NIF3L1: variants seen among roughly 807,000 people sequenced by gnomAD.
The protein encoded by NIF3L1 is NIF3-like protein 1.
A neutral mutation model predicts 35.0 loss-of-function variants in NIF3L1; 26 were observed. That is an observed-to-expected ratio of 0.74 (90% confidence interval 0.54 to 1.03). The LOEUF (loss-of-function observed/expected upper bound fraction) is 1.03. Among genes scored for constraint, NIF3L1 ranks in the 50% least tolerant of loss-of-function variants. NIF3L1 has a pLI of 0.00. For missense variants in NIF3L1, 449 were observed against 466.3 expected (o/e 0.96, Z 0.34); for synonymous variants, 157 against 178.9 (o/e 0.88, Z 0.98).
chr2:200,896,754 T>C (rs2040322506), intron 4 of NIF3L1, among the ~76,000 whole-genome samples: 1 of 152,156 alleles, frequency 6.6e-6, no homozygotes, highest in South Asian at 2.1e-4. Flanking sequence ...GGCTAATTTT[T>C]GGATTTTTTT....
intron 6 of NIF3L1, among the ~76,000 whole-genome samples, chr2:200,901,235 G>T (rs899531648): frequency 6.6e-6 from 1 of 152,178 alleles, no homozygotes; most frequent in Admixed American, 6.5e-5. Context: ...TCCAGCCAAT[G>T]ATCTCACATT....
intron 4 of NIF3L1, among the ~76,000 whole-genome samples, chr2:200,896,566 C>T (rs2040318465): frequency 6.6e-6 from 1 of 152,150 alleles, no homozygotes; most frequent in Admixed American, 6.5e-5. Context: ...GTAGCACCTA[C>T]CTTGTATTTA....
At chr2:200,903,137 G>A (rs1184735613) in intron 6 of NIF3L1, among the ~76,000 whole-genome samples, 1 of 152,138 alleles carries the variant, frequency 6.6e-6, no homozygotes, top group African/African-American at 2.4e-5. Context: ...GAGTAGCTGG[G>A]ATTACAGGCA....
At chr2:200,891,184 T>C (rs1237749614) in intron 1 of NIF3L1, among the ~76,000 whole-genome samples, 1 of 152,152 alleles carries the variant, frequency 6.6e-6, no homozygotes, top group African/African-American at 2.4e-5. Flanking sequence ...CTTTATCTCT[T>C]GACTTTGTGA....
At position 200,895,257 on chromosome 2, in the gene NIF3L1, C is replaced by T; in HGVS notation, c.600-7C>T. The T allele has an allele frequency of 1.2e-6, 2 of 1,612,224 alleles. No individual in the cohort carries two copies. Among genetic ancestry groups the T allele is most frequent in the Non-Finnish European group, 1.7e-6 (2 of 1,178,964 alleles). ...TTGTCCTAAATGGAGTGATTTTTCC[C>T]CCCTAGGACTGGTAATGAGGAACAA... On this transcript the variant is annotated splice_region_variant and splice_polypyrimidine_tract_variant and intron_variant, in intron 3 of 6. Transcript: ENST00000409020.
chr2:200,903,566 A>G lies in NIF3L1; in HGVS notation c.1022A>G (p.Asn341Ser). ...GINVILCEHS[N>S]TERGFLSDLR... ...AATGTCATCCTCTGTGAACACAGCA[A>G]CACTGAACGAGGCTTTCTTTCTGAC... The change falls in exon 7 of 7, where the codon AAC (asparagine) becomes AGC (serine). Residue 341 changes from asparagine (N) to serine (S), a missense_variant. Asn to Ser is a conservative substitution (Grantham distance 46). Coordinates refer to ENST00000409020, the MANE Select transcript of NIF3L1 (RefSeq NM_001369441.2). The G allele has an allele frequency of 6.2e-7, 1 of 1,614,056 alleles. No homozygotes were observed. Among genetic ancestry groups the G allele is most frequent in the East Asian group, 2.2e-5 (1 of 44,874 alleles).
At chr2:200,895,880 C>T (rs1457444945) in intron 4 of NIF3L1, among the ~76,000 whole-genome samples, 1 of 152,094 alleles carries the variant, frequency 6.6e-6, no homozygotes, top group Non-Finnish European at 1.5e-5. Context: ...TGACAAGAAC[C>T]CATATTTTCA....
rs759637126 is a variant in NIF3L1 at position 200,897,184 on chromosome 2, C to T, written c.835C>T (p.Arg279Cys). The change falls in exon 5 of 7, where the codon CGC (arginine) becomes TGC (cysteine). Residue 279 changes from arginine to cysteine, a missense_variant. Arg to Cys is a radical substitution (Grantham distance 180, BLOSUM62 -3). Coordinates refer to ENST00000409020, the MANE Select transcript of NIF3L1 (RefSeq NM_001369441.2). Reference protein sequence around the residue: ...IKRHLKLSHIRLALGVGRTLE... With the variant: ...IKRHLKLSHICLALGVGRTLE... ...AAGACACCTAAAACTATCTCATATT[C>T]GCTTAGCCCTTGGGGTGGGGAGAAC... The T allele has an allele frequency of 2.4e-5, 38 of 1,613,848 alleles. No homozygotes were observed. In the South Asian group the frequency reaches 2.6e-4, roughly 11 times the overall value.
intron 6 of NIF3L1, among the ~76,000 whole-genome samples, chr2:200,901,197 C>G (rs1019777078): frequency 6.6e-6 from 1 of 150,820 alleles, no homozygotes; most frequent in African/African-American, 2.5e-5. Context: ...TTGATAAAAG[C>G]TTATAGCATT....
chr2:200,900,373 CT>C (rs1371039672), intron 6 of NIF3L1, among the ~76,000 whole-genome samples: 1 of 152,206 alleles, frequency 6.6e-6, no homozygotes, highest in East Asian at 1.9e-4. Context: ...GGGGTTGCCA[CT>C]TTGTTTACCT....
Position 200,893,233 on chromosome 2 carries a change from A to G in NIF3L1, c.437-13A>G, listed in dbSNP as rs77925669. 3.5e-4 allele frequency: 515 copies of G among 1,472,112 alleles called. 4 individuals carry two copies. The African/African-American group carries it at 6.6e-3, about 19-fold the overall frequency. The allele number at this position is 1,472,112 out of a possible 1,614,324, so 91.2% of individuals were successfully genotyped here. ...CCCCCAAAACTCCCATTTTCCCACA[A>G]TATTTTCTCTAGGAGCTTGTACCTC... On this transcript the variant is annotated splice_polypyrimidine_tract_variant and intron_variant, in intron 2 of 6. Transcript: ENST00000409020.
intron 6 of NIF3L1, among the ~76,000 whole-genome samples, 159 bp from the exon 7 acceptor site, chr2:200,903,335 G>A (rs1229998385): frequency 6.6e-6 from 1 of 152,168 alleles, no homozygotes; most frequent in African/African-American, 2.4e-5. Context: ...GGACATAAAA[G>A]AAAACTGTAC....
rs7584341 is a variant in NIF3L1 at position 200,901,383 on chromosome 2, T to G, written c.949+1915T>G. On this transcript the variant is annotated intron_variant, in intron 6 of 6. Coordinates refer to ENST00000409020, the MANE Select transcript of NIF3L1 (RefSeq NM_001369441.2). ...TTGGGGTATCTGTTTCCTTATACTTTTTTAAAAACTAGTTTTTTAAAACAA... is the reference window on the plus strand; with the variant it reads ...TTGGGGTATCTGTTTCCTTATACTTGTTTAAAAACTAGTTTTTTAAAACAA... Among the ~76,000 whole-genome samples the G allele has an allele frequency of 2.5e-3, 377 of 152,346 alleles. 3 individuals are homozygous for G. Among genetic ancestry groups the G allele is most frequent in the African/African-American group, 8.7e-3 (363 of 41,578 alleles).
intron 4 of NIF3L1, 34 bp downstream of exon 4, chr2:200,895,424 A>G: frequency 1.9e-6 from 3 of 1,605,782 alleles, no homozygotes; most frequent in Non-Finnish European, 2.6e-6. Context: ...ATCTTAAAAT[A>G]CTGTGCACAC....
In NIF3L1 at chr2:200,899,430, G is replaced by C; in HGVS notation, c.911G>C (p.Ser304Thr). 6.2e-7 allele frequency: 1 copy of C among 1,614,130 alleles called. No homozygotes were observed. The highest frequency in any genetic ancestry group is 8.5e-7 in the Non-Finnish European group (1 of 1,180,010). The change falls in exon 6 of 7, where the codon AGC becomes ACC. Residue 304 changes from serine to threonine, a missense_variant. Physicochemically the swap from Ser to Thr is moderately conservative, Grantham distance 58 (BLOSUM62 1). Transcript: ENST00000409020. ...VVALCAGSGS[S>T]VLQGVEADLY... is the part of the protein sequence containing the mutation. ...GCCCTGTGTGCTGGTTCTGGGAGCA[G>C]CGTTCTGCAGGGTGTTGAGGCTGAC...
intron 3 of NIF3L1, 22 bp downstream of exon 3, chr2:200,893,430 T>C: frequency 6.2e-7 from 1 of 1,611,620 alleles, no homozygotes; most frequent in Non-Finnish European, 8.5e-7. Context: ...TTTTCTCTTT[T>C]TTTTGTGTGT....
chr2:200,897,897 G>A (rs879738386), intron 5 of NIF3L1, among the ~76,000 whole-genome samples: 3 of 152,154 alleles, frequency 2.0e-5, no homozygotes, highest in East Asian at 1.9e-4. Flanking sequence ...GGGGTACAGC[G>A]GTTATAGGTG....
rs769030817 is a variant in NIF3L1 at position 200,893,385 on chromosome 2, T to C, written c.576T>C (p.Val192=). 24 of 1,613,884 alleles carry C rather than the reference T, an allele frequency of 1.5e-5. No homozygotes were observed. The highest frequency in any genetic ancestry group is 3.3e-4 in the Middle Eastern group (2 of 6,084). The part of the protein sequence containing the change: ...VMSAVKGIDG[V]SVTSFSARTG... The stretch of plus-strand genomic sequence containing the variant: ...CTGCAGTGAAAGGAATTGACGGTGT[T>C]TCTGTCACTTCTTTTTCTGCTAGGT... The change falls in exon 3 of 7, where the codon GTT becomes GTC. Residue 192 remains valine, a synonymous_variant. Transcript: ENST00000409020.
intron 1 of NIF3L1, chr2:200,890,577 TTA>T (rs2040161176): frequency 6.6e-6 from 1 of 152,234 alleles, no homozygotes; most frequent in South Asian, 2.1e-4. Context: ...CAAAAAGTGT[TTA>T]TAAGTGGTAA....
Sources: gnomAD v4.1 joint callset for allele counts (sites outside exome capture counted in the v4.1 genomes callset) on GRCh38, gnomAD v4.1.1 for gene constraint, MANE v1.5 for transcripts, NCBI Gene and HGNC (gene_info 2026-07-23, HGNC 2026-07-21) for gene names.